ERBB4: variants seen among roughly 807,000 people sequenced by gnomAD.
The protein encoded by ERBB4 is erb-b2 receptor tyrosine kinase 4.
ERBB4 carries 42 observed loss-of-function variants against 158.0 expected under a neutral mutation model. The observed-to-expected ratio is 0.27, with a 90% CI of 0.21 to 0.34. ERBB4 has a LOEUF of 0.34. ERBB4 is among the 10% of genes least tolerant of loss of function. The pLI is 1.00. For missense variants in ERBB4, 1,333 were observed against 1,624.1 expected, an observed-to-expected ratio of 0.82 and a Z score of 3.08; for synonymous variants, 583 against 558.7, an observed-to-expected ratio of 1.04 and a Z score of -0.61.
At chr2:212,039,551 T>A (rs1286922385) in intron 2 of ERBB4, among the ~76,000 whole-genome samples, 1 of 152,186 alleles carries the variant, frequency 6.6e-6, no homozygotes, top group African/African-American at 2.4e-5. Context: ...TTTGAGAACT[T>A]CTTATTAAGT....
At chr2:211,654,703 A>C (rs1424696022) in intron 16 of ERBB4, among the ~76,000 whole-genome samples, 1 of 152,220 alleles carries the variant, frequency 6.6e-6, no homozygotes, top group African/African-American at 2.4e-5. Flanking sequence ...TCTCAGTTTC[A>C]AAATGACCAT....
intron 1 of ERBB4, among the ~76,000 whole-genome samples, chr2:212,384,944 CACAA>C (rs1001939169): frequency 3.4e-5 from 5 of 148,304 alleles, no homozygotes; most frequent in East Asian, 3.9e-4. Context: ...CACTCACACA[CACAA>C]ACACACACAC....
chr2:212,405,040 T>G (rs938168741), intron 1 of ERBB4, among the ~76,000 whole-genome samples: 2 of 152,044 alleles, frequency 1.3e-5, no homozygotes, highest in African/African-American at 4.8e-5. Flanking sequence ...ATTTTCTTTA[T>G]CCAGTCTATC....
intron 1 of ERBB4, among the ~76,000 whole-genome samples, chr2:212,498,727 G>T (rs1432227105): frequency 6.6e-6 from 1 of 151,954 alleles, no homozygotes; most frequent in African/African-American, 2.4e-5. Flanking sequence ...TACAAGAAAT[G>T]ACTCATAATC....
At chr2:212,005,498 G>T (rs76951373) in intron 2 of ERBB4, among the ~76,000 whole-genome samples, 13,084 of 152,188 alleles carry the variant, frequency 0.086, 757 homozygotes, top group Non-Finnish European at 0.13. Flanking sequence ...TAGACACAAG[G>T]TTCCTTGAAG....
chr2:212,239,002 A>G lies in ERBB4; in HGVS notation c.83-114099T>C, dbSNP rs1261550027. ...AAGTTCTGGTTCAGTTCAAACACTT[A>G]TTAATTAATGGCCTTTATTAAATCC... is the stretch of plus-strand genomic sequence containing the variant. On this transcript the variant is annotated intron_variant, in intron 1 of 27. Coordinates refer to ENST00000342788, the MANE Select transcript of ERBB4 (RefSeq NM_005235.3). Among the ~76,000 whole-genome samples the G allele has an allele frequency of 3.9e-5, 6 of 152,244 alleles. No individual in the cohort carries two copies. In the East Asian group the frequency reaches 1.2e-3, roughly 29 times the overall value.
intron 1 of ERBB4, among the ~76,000 whole-genome samples, chr2:212,263,082 G>C (rs1338472981): frequency 6.6e-6 from 1 of 152,110 alleles, no homozygotes; most frequent in Non-Finnish European, 1.5e-5. Context: ...AAGAAAAAAG[G>C]AGAAGATAAG....
rs142109404 is a variant in ERBB4, at chr2:212,145,399, A to C, written c.83-20496T>G. Among the ~76,000 whole-genome samples, 66 of 152,238 alleles carry C rather than the reference A, an allele frequency of 4.3e-4. 1 individual carries two copies. The East Asian group carries it at 0.012, about 27-fold the overall frequency. On this transcript the variant is annotated intron_variant, in intron 1 of 27. Transcript: ENST00000342788. Reference sequence around the variant, plus strand: ...TAGTATTTTGGTACCAATTGTTATAAATTTCAGGGTTGTCTAGTATAAAAT... The same window carrying C: ...TAGTATTTTGGTACCAATTGTTATACATTTCAGGGTTGTCTAGTATAAAAT...
intron 1 of ERBB4, among the ~76,000 whole-genome samples, chr2:212,389,876 A>G (rs2090798976): frequency 6.6e-6 from 1 of 151,938 alleles, no homozygotes; most frequent in South Asian, 2.1e-4. Context: ...TGATGTTATT[A>G]AAATGGTATA....
chr2:212,306,560 A>C (rs1277941030), intron 1 of ERBB4, among the ~76,000 whole-genome samples: 1 of 151,424 alleles, frequency 6.6e-6, no homozygotes, highest in Non-Finnish European at 1.5e-5. Flanking sequence ...TTAATAGTGA[A>C]ATAAATTGCT....
At chr2:211,638,476 T>C (rs1159629448) in intron 16 of ERBB4, among the ~76,000 whole-genome samples, 5 of 152,186 alleles carry the variant, frequency 3.3e-5, no homozygotes, top group African/African-American at 1.2e-4. Context: ...CAAATGAAAG[T>C]GATCTTACAG....
At chr2:212,378,665 A>G (rs1324449520) in intron 1 of ERBB4, among the ~76,000 whole-genome samples, 1 of 151,508 alleles carries the variant, frequency 6.6e-6, no homozygotes, top group African/African-American at 2.4e-5. Context: ...TTATCTTTTT[A>G]TTATCTTTGT....
intron 1 of ERBB4, among the ~76,000 whole-genome samples, chr2:212,270,389 T>C (rs2085299656): frequency 6.6e-6 from 1 of 151,792 alleles, no homozygotes; most frequent in Admixed American, 6.6e-5. Flanking sequence ...TTCCTATGGC[T>C]TGTTCTCTTT....
At chr2:211,795,327 T>C (rs1320707551) in intron 3 of ERBB4, among the ~76,000 whole-genome samples, 2 of 151,858 alleles carry the variant, frequency 1.3e-5, no homozygotes, top group Non-Finnish European at 1.5e-5. Flanking sequence ...AAGCTGAGTT[T>C]GCTCAATTCT....
chr2:211,907,216 A>G (rs1159201846), intron 3 of ERBB4, among the ~76,000 whole-genome samples: 2 of 151,800 alleles, frequency 1.3e-5, no homozygotes, highest in Non-Finnish European at 2.9e-5. Context: ...GCTGAATACT[A>G]AATGAGTCTG....
At chr2:211,903,217 A>T (rs2125037749) in intron 3 of ERBB4, among the ~76,000 whole-genome samples, 1 of 152,226 alleles carries the variant, frequency 6.6e-6, no homozygotes, top group Non-Finnish European at 1.5e-5. Flanking sequence ...GGCTCTCAGT[A>T]ATTAACCAAT....
At chr2:211,942,142 T>C (rs2080516767) in intron 3 of ERBB4, among the ~76,000 whole-genome samples, 1 of 152,134 alleles carries the variant, frequency 6.6e-6, no homozygotes, top group Non-Finnish European at 1.5e-5. Context: ...GGTTATTTAT[T>C]TGACCATAAC....
intron 2 of ERBB4, among the ~76,000 whole-genome samples, chr2:212,066,993 G>A (rs933654582): frequency 6.6e-6 from 1 of 151,676 alleles, no homozygotes; most frequent in Non-Finnish European, 1.5e-5. Context: ...AAAGAATTAT[G>A]GTTTTTATAA....
At chr2:212,474,115 A>T (rs1233114840) in intron 1 of ERBB4, among the ~76,000 whole-genome samples, 1 of 152,080 alleles carries the variant, frequency 6.6e-6, no homozygotes, top group Non-Finnish European at 1.5e-5. Context: ...TTTCCACTTG[A>T]TTGTCCCAAA....
Sources: gnomAD v4.1 joint callset for allele counts (sites outside exome capture counted in the v4.1 genomes callset) on GRCh38, gnomAD v4.1.1 for gene constraint, MANE v1.5 for transcripts, NCBI Gene and HGNC (gene_info 2026-07-23, HGNC 2026-07-21) for gene names.